ATP2B2: variants seen among roughly 807,000 people sequenced by gnomAD.
The protein encoded by ATP2B2 is plasma membrane calcium-transporting ATPase 2.
A neutral mutation model predicts 120.0 loss-of-function variants in ATP2B2; 15 were observed. That is an observed-to-expected ratio of 0.12 (90% CI 0.08 to 0.19). The LOEUF (loss-of-function observed/expected upper bound fraction) is 0.19. ATP2B2 is among the 10% of genes least tolerant of loss of function. The probability of loss-of-function intolerance (pLI) is 1.00; values close to 1 mark genes in which losing one functional copy is unlikely to be tolerated. For synonymous variants in ATP2B2, 694 were observed against 700.3 expected (o/e 0.99, Z 0.14); for missense variants, 1,045 against 1,719.8 (o/e 0.61, Z 6.94).
At position 10,402,455 on chromosome 3, in the gene ATP2B2, A is replaced by T. The variant is rs2062254391; in HGVS notation, c.398-107T>A. ...TGCAAAGTAACAAGTGTTAAGAATCAGATGATAATTATCCACTTACTCAGT... is the reference window on the plus strand; with the variant it reads ...TGCAAAGTAACAAGTGTTAAGAATCTGATGATAATTATCCACTTACTCAGT... On this transcript the variant is annotated intron_variant, in intron 3 of 22. Coordinates refer to ENST00000360273, the MANE Select transcript of ATP2B2 (RefSeq NM_001001331.4). This position sits in a 1 kb window ranked among gnomAD's most constrained non-coding sequence, Gnocchi z 4.9. 13 of 1,509,836 alleles carry T rather than the reference A, an allele frequency of 8.6e-6. No homozygotes were observed. Among genetic ancestry groups the T allele is most frequent in the Non-Finnish European group, 1.2e-5 (13 of 1,099,874 alleles). 93.5% of individuals were successfully genotyped at this position (1,509,836 alleles called of 1,614,324 possible).
chr3:10,462,514 C>T (rs1006834315), intron 1 of ATP2B2, among the ~76,000 whole-genome samples: 1 of 152,216 alleles, frequency 6.6e-6, no homozygotes, highest in African/African-American at 2.4e-5. Flanking sequence ...TTTAGAGTGG[C>T]TTCTGCATGT....
At chr3:10,393,080 G>GT (rs2061910016) in intron 5 of ATP2B2, among the ~76,000 whole-genome samples, 1 of 152,228 alleles carries the variant, frequency 6.6e-6, no homozygotes, top group Non-Finnish European at 1.5e-5. Flanking sequence ...TCTGAGAGAG[G>GT]TCCCCCTGTG....
chr3:10,546,125 C>T lies in ATP2B2; in HGVS notation c.-414-11992G>A, dbSNP rs548802698. Among the ~76,000 whole-genome samples the T allele has an allele frequency of 9.2e-5, 14 of 152,326 alleles. No individual in the cohort carries two copies. The South Asian group carries it at 2.9e-3, about 32-fold the overall frequency. ...GCATGGAAGAAACCATGTTAGTACG[C>T]ACACAGGCACATGCATGCCGGAGGC... On this transcript the variant is annotated intron_variant, in intron 2 of 21. Coordinates refer to the ATP2B2 transcript ENST00000646379.
intron 2 of ATP2B2, among the ~76,000 whole-genome samples, chr3:10,548,484 T>C (rs2125507717): frequency 6.6e-6 from 1 of 152,252 alleles, no homozygotes; most frequent in Non-Finnish European, 1.5e-5. Flanking sequence ...ATATCCCAGC[T>C]CTGTTCCCTC....
At chr3:10,698,525 T>C (rs566279466) in intron 1 of ATP2B2, among the ~76,000 whole-genome samples, 1 of 152,320 alleles carries the variant, frequency 6.6e-6, no homozygotes, top group East Asian at 1.9e-4. Context: ...TACACAATTG[T>C]TAACACTTTG....
chr3:10,426,139 C>T (rs1323653992), intron 2 of ATP2B2, among the ~76,000 whole-genome samples: 1 of 152,162 alleles, frequency 6.6e-6, no homozygotes, highest in African/African-American at 2.4e-5. Context: ...CCCCCTGCCT[C>T]TGTACCTAAT....
At chr3:10,584,606 G>A (rs755776233) in intron 2 of ATP2B2, among the ~76,000 whole-genome samples, 1 of 152,180 alleles carries the variant, frequency 6.6e-6, no homozygotes, top group African/African-American at 2.4e-5. Context: ...CATTTTGCTC[G>A]TGACTGATAT....
At chr3:10,616,566 G>A (rs1244529342) in intron 2 of ATP2B2, among the ~76,000 whole-genome samples, 4 of 152,182 alleles carry the variant, frequency 2.6e-5, no homozygotes, top group Non-Finnish European at 4.4e-5. Context: ...ACAGAAGGAA[G>A]ACTATGTGAC....
chr3:10,627,736 A>G (rs184131197), intron 1 of ATP2B2, among the ~76,000 whole-genome samples: 1 of 152,252 alleles, frequency 6.6e-6, no homozygotes, highest in East Asian at 1.9e-4. Context: ...AGCACCTACC[A>G]TGTGCCAGGC....
intron 2 of ATP2B2, among the ~76,000 whole-genome samples, chr3:10,554,607 C>T (rs567965623): frequency 2.6e-5 from 4 of 152,304 alleles, no homozygotes; most frequent in East Asian, 1.9e-4. Flanking sequence ...GGCTCTGCCT[C>T]GATTTCAGCC....
chr3:10,390,665 G>T (rs1288326421), intron 5 of ATP2B2, among the ~76,000 whole-genome samples: 2 of 152,198 alleles, frequency 1.3e-5, no homozygotes, highest in African/African-American at 4.8e-5. Context: ...ACCAAGTCAT[G>T]AAGGCTCACA....
At chr3:10,498,630 C>T (rs1234641513) in intron 1 of ATP2B2, among the ~76,000 whole-genome samples, 4 of 152,170 alleles carry the variant, frequency 2.6e-5, no homozygotes, top group Non-Finnish European at 2.9e-5. Flanking sequence ...AGACATGGCC[C>T]GGTAGAGTAG....
chr3:10,614,913 T>C (rs1401157307), intron 2 of ATP2B2, among the ~76,000 whole-genome samples: 1 of 152,210 alleles, frequency 6.6e-6, no homozygotes, highest in African/African-American at 2.4e-5. Flanking sequence ...TATAAGAGAA[T>C]AAGAGAAAAA....
At chr3:10,574,851 G>A (rs965013017) in intron 2 of ATP2B2, among the ~76,000 whole-genome samples, 1 of 152,150 alleles carries the variant, frequency 6.6e-6, no homozygotes, top group Middle Eastern at 3.2e-3. Context: ...GGAAGGATGT[G>A]TGGGTATGGA....
chr3:10,368,836 C>T (rs1053123579), intron 12 of ATP2B2, among the ~76,000 whole-genome samples: 3 of 152,166 alleles, frequency 2.0e-5, no homozygotes, highest in African/African-American at 7.2e-5. Context: ...CCATCCATCC[C>T]CCCTTCTCCC....
intron 5 of ATP2B2, among the ~76,000 whole-genome samples, chr3:10,395,601 T>A (rs2062010903): frequency 6.6e-6 from 1 of 152,240 alleles, no homozygotes; most frequent in Non-Finnish European, 1.5e-5. Flanking sequence ...CTTTGTGCCA[T>A]CCTTGCAACT....
chr3:10,436,517 G>A (rs755484436), intron 2 of ATP2B2, among the ~76,000 whole-genome samples: 1 of 152,240 alleles, frequency 6.6e-6, no homozygotes, highest in Non-Finnish European at 1.5e-5. Context: ...GGCTGCTTTG[G>A]AATCCTGAGC....
chr3:10,405,423 G>A (rs964020333), intron 3 of ATP2B2, among the ~76,000 whole-genome samples: 2 of 152,208 alleles, frequency 1.3e-5, no homozygotes, highest in East Asian at 3.9e-4. Context: ...GCCAAGGGAT[G>A]ACTAGAAAGT....
At chr3:10,356,845 A>C (rs2060746292) in intron 14 of ATP2B2, among the ~76,000 whole-genome samples, 2 of 152,210 alleles carry the variant, frequency 1.3e-5, no homozygotes, top group South Asian at 4.1e-4. Context: ...AGAGGTTTGC[A>C]GGAAAGCACG....
Sources: allele counts gnomAD v4.1 joint callset (sites outside exome capture counted in the v4.1 genomes callset), GRCh38; gene constraint gnomAD v4.1.1; non-coding constraint Gnocchi (gnomAD v3.1); transcripts MANE v1.5; gene names NCBI Gene and HGNC (gene_info 2026-07-23, HGNC 2026-07-21).